Variants in AXDND1 observed in about 807,000 individuals in gnomAD.
The protein encoded by AXDND1 is axonemal dynein light chain domain containing 1.
AXDND1 carries 110 observed loss-of-function variants against 137.5 expected under a neutral mutation model. The observed-to-expected ratio is 0.80, with a 90% CI of 0.69 to 0.94. AXDND1 has a LOEUF of 0.94. Ranked by LOEUF, AXDND1 falls within the 40% of genes least tolerant of loss-of-function variation. The pLI is 0.00. For missense variants in AXDND1, 1,191 were observed against 1,169.8 expected (o/e 1.02, Z -0.26); for synonymous variants, 414 against 399.7 (o/e 1.04, Z -0.43).
intron 11 of AXDND1, among the ~76,000 whole-genome samples, chr1:179,407,890 A>C (rs546596084): frequency 6.6e-6 from 1 of 152,272 alleles, no homozygotes; most frequent in African/African-American, 2.4e-5. Context: ...GAATAAAAAA[A>C]ATTTGGTCAC....
chr1:179,553,793 C>T (rs1393916085), intron 25 of AXDND1, among the ~76,000 whole-genome samples: 1 of 152,154 alleles, frequency 6.6e-6, no homozygotes, highest in African/African-American at 2.4e-5. Flanking sequence ...GTCACCCGGG[C>T]TGGAGTGCAA....
At chr1:179,493,277 T>C (rs543794778) in intron 20 of AXDND1, among the ~76,000 whole-genome samples, 1 of 152,318 alleles carries the variant, frequency 6.6e-6, no homozygotes, top group South Asian at 2.1e-4. Flanking sequence ...TTTTTTTCTC[T>C]GACTTATTTC....
intron 4 of AXDND1, among the ~76,000 whole-genome samples, chr1:179,373,586 G>C (rs1668262197): frequency 6.6e-6 from 1 of 152,082 alleles, no homozygotes. Context: ...ATACTACAAG[G>C]CTACAGTAAC....
chr1:179,403,138 G>C (rs1446350594), intron 11 of AXDND1, among the ~76,000 whole-genome samples: 3 of 152,064 alleles, frequency 2.0e-5, no homozygotes, highest in Non-Finnish European at 2.9e-5. Flanking sequence ...CACATATTTT[G>C]CATGTTATAT....
chr1:179,379,398 CA>C lies in AXDND1; in HGVS notation c.500del (p.Lys167ArgfsTer3). 1 of 1,612,142 alleles carries C rather than the reference CA, an allele frequency of 6.2e-7. No homozygotes were observed. The highest frequency in any genetic ancestry group is 1.7e-4 in the Middle Eastern group (1 of 5,940). On this transcript the variant is annotated frameshift_variant and splice_region_variant, in exon 6 of 26. Transcript: ENST00000367618. LOFTEE classifies it high-confidence loss of function. ...ATTTTGCTTTTCTTTTCTTTTAAGC[CA>C]AAGACACTAACAGATACTTTGATTC... ...SHDGVIVPHK[P>X]KTLTDTLIPE...
chr1:179,506,666 G>T (rs987425324), intron 20 of AXDND1, among the ~76,000 whole-genome samples: 2 of 152,198 alleles, frequency 1.3e-5, no homozygotes, highest in Non-Finnish European at 2.9e-5. Context: ...GGAGGCGGAG[G>T]TTGCAGTGAG....
intron 14 of AXDND1, among the ~76,000 whole-genome samples, chr1:179,431,276 G>C (rs1476717636): frequency 1.3e-5 from 2 of 152,046 alleles, no homozygotes; most frequent in African/African-American, 4.8e-5. Flanking sequence ...CAAGTAGCTG[G>C]GATTACAGGC....
At chr1:179,433,054 G>C (rs1159298339) in intron 15 of AXDND1, among the ~76,000 whole-genome samples, 2 of 152,208 alleles carry the variant, frequency 1.3e-5, no homozygotes. Flanking sequence ...TCAGGAATTT[G>C]TTATTGGTCT....
chr1:179,515,868 A>G (rs1034419364), intron 21 of AXDND1, among the ~76,000 whole-genome samples: 1 of 152,226 alleles, frequency 6.6e-6, no homozygotes, highest in Non-Finnish European at 1.5e-5. Context: ...TGCAGATAAG[A>G]TAGCAGTCCC....
intron 9 of AXDND1, among the ~76,000 whole-genome samples, chr1:179,389,322 A>G (rs1427135000): frequency 6.6e-6 from 1 of 152,214 alleles, no homozygotes; most frequent in East Asian, 1.9e-4. Flanking sequence ...GCGTAGTCTT[A>G]TAAAATCTGC....
intron 21 of AXDND1, among the ~76,000 whole-genome samples, chr1:179,516,326 C>T (rs1669535301): frequency 3.9e-5 from 6 of 152,148 alleles, no homozygotes; most frequent in Admixed American, 3.3e-4. Context: ...TTTATGCCAT[C>T]TATTTCCTTG....
chr1:179,401,850 G>A (rs915905463), intron 11 of AXDND1, among the ~76,000 whole-genome samples: 2 of 152,012 alleles, frequency 1.3e-5, no homozygotes, highest in African/African-American at 4.8e-5. Context: ...GGAACTGTGA[G>A]TACATTAAAC....
intron 25 of AXDND1, among the ~76,000 whole-genome samples, chr1:179,535,296 C>T (rs888694943): frequency 2.0e-5 from 3 of 151,836 alleles, no homozygotes. Context: ...CATAGGTATA[C>T]ATGTGCCATG....
intron 16 of AXDND1, among the ~76,000 whole-genome samples, chr1:179,461,626 A>G (rs1423909542): frequency 6.6e-6 from 1 of 152,142 alleles, no homozygotes; most frequent in Non-Finnish European, 1.5e-5. Context: ...CATTGAATCT[A>G]TAAATTACCT....
intron 25 of AXDND1, chr1:179,552,844 G>A (rs1236890224): frequency 2.9e-6 from 2 of 679,618 alleles, no homozygotes; most frequent in East Asian, 5.5e-5. Flanking sequence ...AAAGTAGGCA[G>A]ATCTCCAAGG....
At chr1:179,408,718 TC>T (rs1653370657) in intron 11 of AXDND1, among the ~76,000 whole-genome samples, 1 of 152,120 alleles carries the variant, frequency 6.6e-6, no homozygotes, top group Non-Finnish European at 1.5e-5. Context: ...GTTCACTGTA[TC>T]CTCCAGGCTG....
At chr1:179,395,329 T>C in intron 11 of AXDND1, 127 bp downstream of exon 11, 1 of 690,498 alleles carries the variant, frequency 1.4e-6, no homozygotes, top group Non-Finnish European at 2.3e-6. Context: ...GCTTACTTTA[T>C]CTGAATTTAG....
intron 17 of AXDND1, among the ~76,000 whole-genome samples, chr1:179,480,368 A>C (rs561225573): frequency 6.6e-6 from 1 of 152,284 alleles, no homozygotes; most frequent in South Asian, 2.1e-4. Context: ...TTCCCCTTAT[A>C]AAATCATCAG....
chr1:179,520,191 T>C (rs1339161501), intron 21 of AXDND1, among the ~76,000 whole-genome samples: 1 of 152,182 alleles, frequency 6.6e-6, no homozygotes, highest in Non-Finnish European at 1.5e-5. Context: ...GGCTTGACTA[T>C]TGTTAATGTA....
Sources: allele counts gnomAD v4.1 joint callset (sites outside exome capture counted in the v4.1 genomes callset), GRCh38; gene constraint gnomAD v4.1.1; transcripts MANE v1.5; gene names NCBI Gene and HGNC (gene_info 2026-07-23, HGNC 2026-07-21).